The following VPS13B variants were observed in gnomAD, a reference collection of about 807,000 sequenced individuals.
VPS13B encodes intermembrane lipid transfer protein VPS13B.
In VPS13B, 285 loss-of-function variants were observed where a neutral mutation model predicts 426.4. That is an observed-to-expected ratio of 0.67 (90% CI 0.61 to 0.74). The LOEUF (loss-of-function observed/expected upper bound fraction) is 0.74. Among genes scored for constraint, VPS13B ranks in the 30% least tolerant of loss-of-function variants. The probability of loss-of-function intolerance (pLI) is 0.00; values close to 1 mark genes in which losing one functional copy is unlikely to be tolerated. For missense variants in VPS13B, 4,537 were observed against 4,782.6 expected, an observed-to-expected ratio of 0.95 and a Z score of 1.51; for synonymous variants, 1,676 against 1,676.4, an observed-to-expected ratio of 1.00 and a Z score of 0.01.
In VPS13B at chr8:99,674,394, T is replaced by C. The variant is rs182441383; in HGVS notation, c.6046+12903T>C. The stretch of plus-strand genomic sequence containing the variant: ...TAAAGTATGATATAAGTATAGCTAC[T>C]TTTACTATTTTTGGGTTTCCATTTG... On this transcript the variant is annotated intron_variant, in intron 35 of 61. Transcript: ENST00000357162. Among the ~76,000 whole-genome samples, 223 of 152,206 alleles carry C rather than the reference T, an allele frequency of 1.5e-3. 1 individual carries two copies. Among genetic ancestry groups the C allele is most frequent in the Non-Finnish European group, 2.8e-3 (193 of 67,922 alleles).
At chr8:99,145,698 T>C (rs1207426440) in intron 13 of VPS13B, among the ~76,000 whole-genome samples, 1 of 152,060 alleles carries the variant, frequency 6.6e-6, no homozygotes, top group African/African-American at 2.4e-5. Flanking sequence ...ACATATACTA[T>C]AGTTTGTTAA....
chr8:99,343,862 G>A (rs1450496938), intron 19 of VPS13B, among the ~76,000 whole-genome samples: 1 of 152,186 alleles, frequency 6.6e-6, no homozygotes, highest in African/African-American at 2.4e-5. Context: ...CTTATGGATT[G>A]AAAGAATCAA....
At chr8:99,846,861 C>T (rs780915470) in intron 54 of VPS13B, among the ~76,000 whole-genome samples, 20 of 152,186 alleles carry the variant, frequency 1.3e-4, no homozygotes, top group Non-Finnish European at 2.4e-4. Flanking sequence ...TTTCTCTATT[C>T]GCATCCCCTC....
Position 99,455,133 on chromosome 8 carries a change from C to T in VPS13B, c.3446-12281C>T, listed in dbSNP as rs1397467749. 3.3e-5 allele frequency among the ~76,000 whole-genome samples: 5 copies of T among 152,076 alleles called. No homozygotes were observed. In the East Asian group the frequency reaches 9.6e-4, roughly 29 times the overall value. On this transcript the variant is annotated intron_variant, in intron 23 of 61. Transcript: ENST00000357162. Reference sequence around the variant, plus strand: ...GTAAAGTCCAGCTTATCAGTTCTTTCTTTAATGGATCAAGCATTTGGTGTT... The same window carrying T: ...GTAAAGTCCAGCTTATCAGTTCTTTTTTTAATGGATCAAGCATTTGGTGTT...
intron 51 of VPS13B, among the ~76,000 whole-genome samples, chr8:99,828,423 T>TTTTTTTTTTTTTTTTTTC (rs1814850623): frequency 9.4e-6 from 1 of 106,800 alleles, no homozygotes. Flanking sequence ...TTTTTTTTTT[T>TTTTTTTTTTTTTTTTTTC]TTTTTTTTTT....
At chr8:99,627,054 A>G (rs1828644504) in intron 33 of VPS13B, among the ~76,000 whole-genome samples, 2 of 152,208 alleles carry the variant, frequency 1.3e-5, no homozygotes, top group Non-Finnish European at 1.5e-5. Context: ...TGTGAAATCT[A>G]AAAAAGTTGA....
intron 7 of VPS13B, among the ~76,000 whole-genome samples, chr8:99,118,882 T>C (rs924224069): frequency 1.1e-4 from 16 of 152,232 alleles, no homozygotes; most frequent in Non-Finnish European, 1.8e-4. Flanking sequence ...CACGTAGACA[T>C]GTGCTATTCT....
At chr8:99,840,566 C>T (rs1374034228) in intron 54 of VPS13B, among the ~76,000 whole-genome samples, 4 of 152,134 alleles carry the variant, frequency 2.6e-5, no homozygotes, top group Middle Eastern at 3.2e-3. Flanking sequence ...AGACACTTCC[C>T]GAATGCATGG....
chr8:99,859,423 G>T lies in VPS13B; in HGVS notation c.10987G>T (p.Ala3663Ser), dbSNP rs764771739. 2 of 1,613,998 alleles carry T rather than the reference G, an allele frequency of 1.2e-6. No homozygotes were observed. Among genetic ancestry groups the T allele is most frequent in the African/African-American group, 2.7e-5 (2 of 74,900 alleles). The part of the protein sequence containing the change: ...PYEGLTRGPG[A>S]FVSGVSRGTT... Reference sequence around the variant, plus strand: ...TGAGGGGCTGACCCGGGGCCCTGGAGCCTTCGTGAGTGGCGTCTCCAGAGG... The same window carrying T: ...TGAGGGGCTGACCCGGGGCCCTGGATCCTTCGTGAGTGGCGTCTCCAGAGG... The change falls in exon 57 of 62, where the codon GCC (alanine) becomes TCC (serine). Residue 3663 changes from alanine (A) to serine (S), a missense_variant. Physicochemically the swap from Ala to Ser is moderately conservative, Grantham distance 99. Coordinates refer to ENST00000357162, the MANE Select transcript of VPS13B (RefSeq NM_152564.5).
chr8:99,166,414 T>A (rs544553518), intron 15 of VPS13B, among the ~76,000 whole-genome samples: 6 of 152,246 alleles, frequency 3.9e-5, no homozygotes, highest in South Asian at 2.1e-4. Context: ...AATTATTCTT[T>A]GCTTGTAGGC....
intron 19 of VPS13B, chr8:99,340,919 A>G (rs1811207596): frequency 3.4e-6 from 1 of 290,590 alleles, no homozygotes; most frequent in South Asian, 4.6e-5. Context: ...GTGTGGATGG[A>G]TTCAACAAAG....
intron 22 of VPS13B, among the ~76,000 whole-genome samples, chr8:99,441,552 A>G (rs1192023894): frequency 6.6e-6 from 1 of 152,136 alleles, no homozygotes; most frequent in Non-Finnish European, 1.5e-5. Flanking sequence ...GAGCAATTTG[A>G]TAATGAGATA....
At chr8:99,589,996 T>C (rs745939061) in intron 33 of VPS13B, among the ~76,000 whole-genome samples, 2 of 152,170 alleles carry the variant, frequency 1.3e-5, no homozygotes, top group East Asian at 3.9e-4. Flanking sequence ...AGGCTATTAA[T>C]TACTGCCTCA....
chr8:99,520,822 C>A, intron 29 of VPS13B, 77 bp from the exon 30 acceptor site: 1 of 1,118,248 alleles, frequency 8.9e-7, no homozygotes, highest in Non-Finnish European at 1.4e-6. Context: ...TATTCCATTC[C>A]CTCAAAGATT....
chr8:99,535,118 T>C (rs757538378), intron 30 of VPS13B, among the ~76,000 whole-genome samples: 3 of 152,134 alleles, frequency 2.0e-5, no homozygotes, highest in Non-Finnish European at 4.4e-5. Context: ...AGCAGACATC[T>C]ATTAATTAAT....
At chr8:99,249,728 G>GT (rs1817406245) in intron 17 of VPS13B, among the ~76,000 whole-genome samples, 1 of 152,114 alleles carries the variant, frequency 6.6e-6, no homozygotes, top group African/African-American at 2.4e-5. Flanking sequence ...CGGCCTGAAT[G>GT]TTTAAGTTTT....
At chr8:99,512,738 G>A (rs758868253) in intron 29 of VPS13B, among the ~76,000 whole-genome samples, 12 of 152,150 alleles carry the variant, frequency 7.9e-5, no homozygotes, top group East Asian at 1.9e-4. Flanking sequence ...GGCTGGGCAC[G>A]GTGGCTCACG....
chr8:99,428,285 A>G (rs1816850923), intron 21 of VPS13B, among the ~76,000 whole-genome samples: 2 of 152,186 alleles, frequency 1.3e-5, no homozygotes, highest in Non-Finnish European at 2.9e-5. Flanking sequence ...AAAGTGACAA[A>G]TGGGATCTAA....
intron 39 of VPS13B, among the ~76,000 whole-genome samples, chr8:99,734,329 G>A (rs1429669080): frequency 6.6e-6 from 1 of 152,086 alleles, no homozygotes; most frequent in African/African-American, 2.4e-5. Flanking sequence ...CTTAGACTCT[G>A]TTGTATCCAA....
Sources: allele counts gnomAD v4.1 joint callset (sites outside exome capture counted in the v4.1 genomes callset), GRCh38; gene constraint gnomAD v4.1.1; transcripts MANE v1.5; gene names NCBI Gene and HGNC (gene_info 2026-07-23, HGNC 2026-07-21).